FRMPD4: variants seen among roughly 807,000 people sequenced by gnomAD.
FRMPD4 encodes FERM and PDZ domain containing 4, also known as FERM and PDZ domain-containing protein 4.
In FRMPD4, 22 loss-of-function variants were observed where a neutral mutation model predicts 94.1. The ratio of observed to expected loss-of-function variants is 0.23; its 90% CI spans 0.17 to 0.33. FRMPD4 has a LOEUF of 0.33. FRMPD4 is among the 10% of genes least tolerant of loss of function. The probability of loss-of-function intolerance (pLI) is 1.00; values close to 1 mark genes in which losing one functional copy is unlikely to be tolerated. For missense variants in FRMPD4, 1,111 were observed against 1,339.9 expected (o/e 0.83, Z 2.67); for synonymous variants, 631 against 548.6 (o/e 1.15, Z -2.10).
At chrX:12,693,096 C>T (rs887360255) in intron 8 of FRMPD4, among the ~76,000 whole-genome samples, 16 of 112,094 alleles carry the variant, frequency 1.4e-4, no homozygotes, top group Non-Finnish European at 2.4e-4. Flanking sequence ...ACAAAGTTAG[C>T]GAACTGTAAA....
chrX:11,863,925 G>A (rs1348886031), intron 1 of FRMPD4, among the ~76,000 whole-genome samples: 2 of 111,890 alleles, frequency 1.8e-5, no homozygotes, highest in African/African-American at 6.5e-5. Context: ...ACTTTGACTC[G>A]ATTTAATACT....
chrX:12,459,258 G>A (rs960996394), intron 1 of FRMPD4, among the ~76,000 whole-genome samples: 29 of 110,765 alleles, frequency 2.6e-4, no homozygotes, highest in Non-Finnish European at 5.3e-4. Flanking sequence ...GGCTCCTACT[G>A]CAACTGTGGG....
chrX:12,521,525 A>G (rs1032879354), intron 2 of FRMPD4, among the ~76,000 whole-genome samples: 1 of 112,618 alleles, frequency 8.9e-6, no homozygotes, highest in Non-Finnish European at 1.9e-5. Context: ...ATTGGAAATT[A>G]AAGACATGAC....
intron 1 of FRMPD4, among the ~76,000 whole-genome samples, chrX:12,449,523 A>G (rs1012536264): frequency 8.9e-6 from 1 of 112,371 alleles, no homozygotes. Flanking sequence ...ATAATCCAAC[A>G]AAATATAATA....
chrX:11,950,917 G>C (rs1183487535), intron 3 of FRMPD4, among the ~76,000 whole-genome samples: 7 of 109,943 alleles, frequency 6.4e-5, no homozygotes, highest in African/African-American at 2.3e-4. Context: ...AAATTAGCCA[G>C]ATGTGGTGGC....
chrX:12,715,122 G>A (rs767525922), intron 14 of FRMPD4, among the ~76,000 whole-genome samples: 1 of 111,880 alleles, frequency 8.9e-6, no homozygotes, highest in Non-Finnish European at 1.9e-5. Flanking sequence ...TGGAAATGTT[G>A]CCTCTGGAAT....
In FRMPD4 at chrX:12,268,010, T is replaced by C. The variant is rs927398344; in HGVS notation, c.41+128998T>C. On this transcript the variant is annotated intron_variant, in intron 1 of 16. Coordinates refer to ENST00000675598, the MANE Select transcript of FRMPD4 (RefSeq NM_001368397.1). ...AAGTTTAATTTTCACTCACATCCCT[T>C]ACTTACGCAATTTGGACAGGGTGGT... Among the ~76,000 whole-genome samples, 4 of 112,771 alleles carry C rather than the reference T, an allele frequency of 3.5e-5. No individual in the cohort carries two copies. The Admixed American group carries it at 3.7e-4, about 11-fold the overall frequency.
At chrX:12,280,332 G>T (rs779817060) in intron 1 of FRMPD4, among the ~76,000 whole-genome samples, 32 of 110,265 alleles carry the variant, frequency 2.9e-4, no homozygotes, top group African/African-American at 1.1e-3. Flanking sequence ...CATCTCTAAT[G>T]TAAATGTTGA....
intron 1 of FRMPD4, among the ~76,000 whole-genome samples, chrX:12,416,023 C>A (rs1433759858): frequency 1.8e-5 from 2 of 112,175 alleles, no homozygotes; most frequent in African/African-American, 6.5e-5. Context: ...CCGTCTCCTG[C>A]AAAATGATGC....
At chrX:12,645,057 G>C (rs1280092556) in intron 4 of FRMPD4, among the ~76,000 whole-genome samples, 1 of 111,352 alleles carries the variant, frequency 9.0e-6, no homozygotes, top group Non-Finnish European at 1.9e-5. Context: ...CATTTGGGCA[G>C]AGAAAAATGA....
At chrX:11,905,435 T>A (rs942112595) in intron 3 of FRMPD4, among the ~76,000 whole-genome samples, 5 of 112,042 alleles carry the variant, frequency 4.5e-5, no homozygotes, top group Non-Finnish European at 9.4e-5. Flanking sequence ...TCTTTTATTT[T>A]GAAATAATAA....
intron 2 of FRMPD4, among the ~76,000 whole-genome samples, chrX:11,866,412 G>A (rs1221843620): frequency 9.0e-6 from 1 of 111,604 alleles, no homozygotes; most frequent in Non-Finnish European, 1.9e-5. Flanking sequence ...GGCAATAGTA[G>A]GAGAAACAAG....
At chrX:12,489,161 T>A (rs760154300) in intron 1 of FRMPD4, among the ~76,000 whole-genome samples, 3 of 112,051 alleles carry the variant, frequency 2.7e-5, no homozygotes, top group Non-Finnish European at 5.6e-5. Flanking sequence ...ATATTTTGGT[T>A]TCCTTACTCA....
intron 1 of FRMPD4, among the ~76,000 whole-genome samples, chrX:12,208,101 A>G (rs1252099540): frequency 8.9e-6 from 1 of 111,887 alleles, no homozygotes; most frequent in Admixed American, 9.5e-5. Context: ...CCAAGCCTCC[A>G]CAAAATTAAG....
chrX:12,717,666 C>G lies in FRMPD4; in HGVS notation c.2840C>G (p.Ala947Gly). 1 of 1,211,340 alleles carries G rather than the reference C, an allele frequency of 8.3e-7. No individual in the cohort carries two copies. Among genetic ancestry groups the G allele is most frequent in the Non-Finnish European group, 1.1e-6 (1 of 894,880 alleles). ...ACTCACGAAGGCTACCACCCCCTTG[C>G]AGAAGAGCAGACCGAGTTCCCGGCC... ...LATHEGYHPL[A>G]EEQTEFPASK... The change falls in exon 16 of 17, where the codon GCA becomes GGA. Residue 947 changes from alanine to glycine, a missense_variant. Around this residue, in one of 8 missense-constraint regions of FRMPD4, gnomAD observed 551 missense variants for 591.6 expected, o/e 0.93. Coordinates refer to ENST00000675598, the MANE Select transcript of FRMPD4 (RefSeq NM_001368397.1).
chrX:12,541,186 A>G (rs1245737972), intron 2 of FRMPD4, among the ~76,000 whole-genome samples: 1 of 111,847 alleles, frequency 8.9e-6, no homozygotes. Context: ...AGAACTAGAG[A>G]AGCAAGAGCA....
intron 1 of FRMPD4, among the ~76,000 whole-genome samples, chrX:12,487,392 T>C (rs368160335): frequency 4.8e-4 from 54 of 112,241 alleles, no homozygotes; most frequent in African/African-American, 1.6e-3. Context: ...ATGGGAAGTA[T>C]CTGCAAATTG....
Position 12,717,743 on chromosome X carries a change from G to C in FRMPD4, c.2917G>C (p.Ala973Pro), listed in dbSNP as rs200249861. ...LPPKSSHALA[A>P]RPATDLPPKV... ...TCCAAAGTCCTCGCACGCCCTGGCT[G>C]CTAGGCCAGCAACCGACCTCCCGCC... The change falls in exon 16 of 17, where the codon GCT becomes CCT. Residue 973 changes from alanine (A) to proline (P), a missense_variant. Transcript: ENST00000675598. 5.5e-5 allele frequency: 66 copies of C among 1,210,441 alleles called. No homozygotes were observed. In the Middle Eastern group the frequency reaches 3.2e-3, roughly 59 times the overall value.
chrX:12,067,977 G>A lies in FRMPD4; in HGVS notation c.95+189959G>A, dbSNP rs2054935820. On this transcript the variant is annotated intron_variant, in intron 3 of 18. Transcript: ENST00000640291. ...CTAAGGATCTTCAGATGGGGAGATAGATTTTCCTGGATCATCTGGATGGAC... is the reference window on the plus strand; with the variant it reads ...CTAAGGATCTTCAGATGGGGAGATAAATTTTCCTGGATCATCTGGATGGAC... Among the ~76,000 whole-genome samples, 5 of 111,991 alleles carry A rather than the reference G, an allele frequency of 4.5e-5. No individual in the cohort carries two copies. In the South Asian group the frequency reaches 1.9e-3, roughly 43 times the overall value.
Sources: gnomAD v4.1 joint callset for allele counts (sites outside exome capture counted in the v4.1 genomes callset) on GRCh38, gnomAD v4.1.1 for gene constraint, gnomAD v4.1.1 regional missense constraint, MANE v1.5 for transcripts, NCBI Gene and HGNC (gene_info 2026-07-23, HGNC 2026-07-21) for gene names.